EPHA3: variants seen among roughly 807,000 people sequenced by gnomAD.
EPHA3 encodes the protein ephrin type-A receptor 3.
A neutral mutation model predicts 107.1 loss-of-function variants in EPHA3; 42 were observed. The ratio of observed to expected loss-of-function variants is 0.39; its 90% CI spans 0.31 to 0.51. EPHA3 has a LOEUF of 0.51. Among genes scored for constraint, EPHA3 ranks in the 20% least tolerant of loss-of-function variants. The pLI, the probability that EPHA3 is intolerant of heterozygous loss-of-function variation, is 0.78. For synonymous variants in EPHA3, 461 were observed against 424.8 expected (o/e 1.09, Z -1.05); for missense variants, 1,183 against 1,211.2 (o/e 0.98, Z 0.35).
chr3:89,244,032 A>G (rs1206929403), intron 3 of EPHA3, among the ~76,000 whole-genome samples: 2 of 152,176 alleles, frequency 1.3e-5, no homozygotes, highest in African/African-American at 4.8e-5. Flanking sequence ...ATTTACAAAT[A>G]TGGTGCTGTG....
chr3:89,372,431 A>ATTCTTTT (rs1708325761), intron 5 of EPHA3, among the ~76,000 whole-genome samples: 1 of 151,558 alleles, frequency 6.6e-6, no homozygotes, highest in Admixed American at 6.6e-5. Context: ...GCTTTTATTC[A>ATTCTTTT]TATATAGCAC....
intron 3 of EPHA3, among the ~76,000 whole-genome samples, chr3:89,245,958 A>G (rs185963156): frequency 3.3e-4 from 51 of 152,360 alleles, no homozygotes; most frequent in African/African-American, 1.1e-3. Flanking sequence ...GAGAATCTCA[A>G]GAGAATAAAT....
chr3:89,125,103 T>A lies in EPHA3; in HGVS notation c.89-2106T>A, dbSNP rs566213195. ...CATATCTTCTTCTTCTCACTCTGGT[T>A]ACTAATACTGAGATTAAACTAGTGA... On this transcript the variant is annotated intron_variant, in intron 1 of 16. Coordinates refer to ENST00000336596, the MANE Select transcript of EPHA3 (RefSeq NM_005233.6). 2.0e-5 allele frequency among the ~76,000 whole-genome samples: 3 copies of A among 151,976 alleles called. No individual in the cohort carries two copies. In the South Asian group the frequency reaches 6.2e-4, roughly 31 times the overall value.
At chr3:89,161,294 C>A (rs1226397713) in intron 2 of EPHA3, among the ~76,000 whole-genome samples, 1 of 152,108 alleles carries the variant, frequency 6.6e-6, no homozygotes, top group Non-Finnish European at 1.5e-5. Flanking sequence ...ATAGTGAAGT[C>A]TCTCTCCACC....
At chr3:89,109,638 A>T (rs1576154500) in intron 1 of EPHA3, among the ~76,000 whole-genome samples, 1 of 152,176 alleles carries the variant, frequency 6.6e-6, no homozygotes, top group Non-Finnish European at 1.5e-5. Flanking sequence ...AAAATTAATC[A>T]GTATTAATTT....
chr3:89,303,748 C>A, intron 3 of EPHA3, among the ~76,000 whole-genome samples: 1 of 152,048 alleles, frequency 6.6e-6, no homozygotes, highest in East Asian at 1.9e-4. Context: ...AATAAAGCAA[C>A]TATTTTTTAT....
intron 3 of EPHA3, among the ~76,000 whole-genome samples, chr3:89,239,781 A>G (rs564837756): frequency 6.6e-6 from 1 of 152,320 alleles, no homozygotes; most frequent in East Asian, 1.9e-4. Context: ...AAAGTGACAG[A>G]TTGCATAGGT....
At position 89,425,571 on chromosome 3, in the gene EPHA3, C is replaced by T. The variant is rs763385678; in HGVS notation, c.2075-3535C>T. Among the ~76,000 whole-genome samples, 25 of 151,300 alleles carry T rather than the reference C, an allele frequency of 1.7e-4. 1 individual carries two copies. Among genetic ancestry groups the T allele is most frequent in the Admixed American group, 6.0e-4 (9 of 15,094 alleles). On this transcript the variant is annotated intron_variant, in intron 11 of 16. Coordinates refer to ENST00000336596, the MANE Select transcript of EPHA3 (RefSeq NM_005233.6). ...ACTGTTGTTAATAGGGAGTTAATAG[C>T]ATTTCCATTTGAAATTATTAAATGT...
At chr3:89,235,115 T>C (rs1576253004) in intron 3 of EPHA3, among the ~76,000 whole-genome samples, 2 of 147,302 alleles carry the variant, frequency 1.4e-5, no homozygotes, top group East Asian at 4.3e-4. Flanking sequence ...AGAGATGGGG[T>C]TTCTCCATGT....
chr3:89,351,296 C>T lies in EPHA3; in HGVS notation c.1306+9206C>T, dbSNP rs542127072. ...TCCGTGGGCGTAGGACCCTCTGAGC[C>T]AGGTGTGGGATATAGTCTCGTGGTG... On this transcript the variant is annotated intron_variant, in intron 5 of 16. Coordinates refer to ENST00000336596, the MANE Select transcript of EPHA3 (RefSeq NM_005233.6). 3.3e-5 allele frequency among the ~76,000 whole-genome samples: 5 copies of T among 151,542 alleles called. No individual in the cohort carries two copies. In the East Asian group the frequency reaches 7.8e-4, roughly 23 times the overall value.
At chr3:89,442,218 G>T (rs1333561156) in intron 13 of EPHA3, among the ~76,000 whole-genome samples, 1 of 151,934 alleles carries the variant, frequency 6.6e-6, no homozygotes, top group African/African-American at 2.4e-5. Flanking sequence ...ATTCCAGAAG[G>T]GATATTATTA....
chr3:89,261,746 C>G (rs1476559811), intron 3 of EPHA3, among the ~76,000 whole-genome samples: 1 of 151,794 alleles, frequency 6.6e-6, no homozygotes, highest in Admixed American at 6.6e-5. Context: ...AGTATATTGT[C>G]CTTAACATTG....
chr3:89,369,592 A>G (rs372878682), intron 5 of EPHA3, among the ~76,000 whole-genome samples: 3 of 149,950 alleles, frequency 2.0e-5, no homozygotes, highest in South Asian at 2.1e-4. Flanking sequence ...GGACATAGGC[A>G]TGGGCAAGGA....
In EPHA3 at chr3:89,336,265, G is replaced by T. The variant is rs538581127; in HGVS notation, c.815-4651G>T. On this transcript the variant is annotated intron_variant, in intron 3 of 16. Coordinates refer to ENST00000336596, the MANE Select transcript of EPHA3 (RefSeq NM_005233.6). ...GTTACTCACTAGTTTTACATTCAAG[G>T]AAGGAAAGGAGATGTTTTCAATATA... 2.6e-5 allele frequency among the ~76,000 whole-genome samples: 4 copies of T among 151,578 alleles called. No homozygotes were observed. In the East Asian group the frequency reaches 7.8e-4, roughly 30 times the overall value.
At chr3:89,134,992 T>C (rs548463056) in intron 2 of EPHA3, among the ~76,000 whole-genome samples, 2 of 152,298 alleles carry the variant, frequency 1.3e-5, no homozygotes, top group South Asian at 4.1e-4. Flanking sequence ...ATTCAGAATG[T>C]ATTCCAATAT....
chr3:89,358,378 A>G (rs940976189), intron 5 of EPHA3, among the ~76,000 whole-genome samples: 17 of 151,160 alleles, frequency 1.1e-4, no homozygotes, highest in Non-Finnish European at 2.1e-4. Flanking sequence ...AGATAACTCC[A>G]GGTTTTCTTT....
At chr3:89,202,023 A>T (rs1476886103) in intron 2 of EPHA3, among the ~76,000 whole-genome samples, 1 of 152,012 alleles carries the variant, frequency 6.6e-6, no homozygotes, top group Non-Finnish European at 1.5e-5. Context: ...CTTAATTTTC[A>T]CTTACAGAAG....
intron 5 of EPHA3, among the ~76,000 whole-genome samples, chr3:89,366,281 G>A (rs1559666555): frequency 1.3e-5 from 2 of 150,464 alleles, no homozygotes; most frequent in Admixed American, 1.3e-4. Context: ...GGGGAATAGA[G>A]GATAAATTGA....
chr3:89,262,448 A>G (rs1705438079), intron 3 of EPHA3, among the ~76,000 whole-genome samples: 1 of 152,126 alleles, frequency 6.6e-6, no homozygotes, highest in Non-Finnish European at 1.5e-5. Context: ...GCTTGTAGCT[A>G]TGTCACTCTC....
Sources: gnomAD v4.1 joint callset for allele counts (sites outside exome capture counted in the v4.1 genomes callset) on GRCh38, gnomAD v4.1.1 for gene constraint, MANE v1.5 for transcripts, NCBI Gene and HGNC (gene_info 2026-07-23, HGNC 2026-07-21) for gene names.